Variants in PLEKHA2 observed in about 807,000 individuals in gnomAD.
PLEKHA2 encodes the protein pleckstrin homology domain-containing family A member 2.
PLEKHA2 carries 28 observed loss-of-function variants against 53.2 expected under a neutral mutation model. The ratio of observed to expected loss-of-function variants is 0.53; its 90% CI spans 0.39 to 0.72. PLEKHA2 has a LOEUF of 0.72. Among genes scored for constraint, PLEKHA2 ranks in the 30% least tolerant of loss-of-function variants. The pLI is 0.00. For missense variants in PLEKHA2, 426 were observed against 537.9 expected, an observed-to-expected ratio of 0.79 and a Z score of 2.06; for synonymous variants, 193 against 196.4, an observed-to-expected ratio of 0.98 and a Z score of 0.14.
In PLEKHA2 at chr8:38,969,810, G is replaced by T; in HGVS notation, c.*27G>T. 1 of 1,332,986 alleles carries T rather than the reference G, an allele frequency of 7.5e-7. No individual in the cohort carries two copies. Among genetic ancestry groups the T allele is most frequent in the African/African-American group, 1.5e-5 (1 of 67,560 alleles). The allele number at this position is 1,332,986 out of a possible 1,614,324, so 82.6% of individuals were successfully genotyped here. A position where few individuals can be genotyped will look rare whatever the true frequency, so the allele number is the denominator to read the frequency against. ...GGAGCACAGTGCCATGGGAGGGAGGGAGGGAGGGAGGACTTGAGAGAAGGA... is the reference window on the plus strand; with the variant it reads ...GGAGCACAGTGCCATGGGAGGGAGGTAGGGAGGGAGGACTTGAGAGAAGGA... On this transcript the variant is annotated 3_prime_UTR_variant, in exon 12 of 12. Transcript: ENST00000617275.
intron 1 of PLEKHA2, among the ~76,000 whole-genome samples, chr8:38,910,477 A>G (rs1257499660): frequency 1.3e-5 from 2 of 152,218 alleles, no homozygotes; most frequent in African/African-American, 4.8e-5. Context: ...ACAAACATTT[A>G]AAAAACATTC....
chr8:38,906,803 C>T (rs1833884064), intron 1 of PLEKHA2, among the ~76,000 whole-genome samples: 1 of 152,116 alleles, frequency 6.6e-6, no homozygotes, highest in Admixed American at 6.6e-5. Flanking sequence ...TTGTACATTG[C>T]GAAGGCTCTG....
intron 8 of PLEKHA2, among the ~76,000 whole-genome samples, 196 bp from the exon 9 acceptor site, chr8:38,953,101 A>G (rs1312516375): frequency 6.6e-6 from 1 of 152,128 alleles, no homozygotes; most frequent in Non-Finnish European, 1.5e-5. Context: ...TTGGCCTTCC[A>G]AAGTCCTGGT....
At chr8:38,948,613 G>C (rs1197865468) in intron 5 of PLEKHA2, among the ~76,000 whole-genome samples, 6 of 152,152 alleles carry the variant, frequency 3.9e-5, no homozygotes, top group African/African-American at 1.4e-4. Flanking sequence ...CTTTGTGGGG[G>C]CCCAGCATAA....
chr8:38,920,358 G>T (rs62504368), intron 2 of PLEKHA2, among the ~76,000 whole-genome samples: 6,491 of 152,020 alleles, frequency 0.043, 221 homozygotes, highest in East Asian at 0.15. Context: ...GTTTCACTGT[G>T]TTAGCCAGGA....
At chr8:38,961,668 C>T (rs998189732) in intron 10 of PLEKHA2, among the ~76,000 whole-genome samples, 1 of 152,166 alleles carries the variant, frequency 6.6e-6, no homozygotes, top group African/African-American at 2.4e-5. Flanking sequence ...CTGACCTGCT[C>T]CCCAAGGTTA....
rs1006726525 is a variant in PLEKHA2, at chr8:38,972,336, G to A, written c.*2553G>A. 6.6e-6 allele frequency: 1 copy of A among 152,134 alleles called. No homozygotes were observed. Among genetic ancestry groups the A allele is most frequent in the African/African-American group, 2.4e-5 (1 of 41,416 alleles). 9.4% of individuals were successfully genotyped at this position (152,134 alleles called of 1,614,324 possible). A position where few individuals can be genotyped will look rare whatever the true frequency, so the allele number is the denominator to read the frequency against. ...CAAGTAGCTAGGACTACAGGGTTGT[G>A]CTACCACGCCTGGCTAATTTTTAAT... On this transcript the variant is annotated 3_prime_UTR_variant, in exon 12 of 12. Coordinates refer to ENST00000617275, the MANE Select transcript of PLEKHA2 (RefSeq NM_021623.2).
In PLEKHA2 at chr8:38,940,650, C is replaced by CCGGGG. The variant is rs1457989198; in HGVS notation, c.199-3139_199-3138insCGGGG. On this transcript the variant is annotated intron_variant, in intron 3 of 11. Coordinates refer to ENST00000617275, the MANE Select transcript of PLEKHA2 (RefSeq NM_021623.2). ...TATGCCGTGGTCCAGATTGAAGGGGCGGGGGGGGGGGGTCAGAAACCCAGG... is the reference window on the plus strand; with the variant it reads ...TATGCCGTGGTCCAGATTGAAGGGGCCGGGGGGGGGGGGGGGGTCAGAAACCCAGG... Among the ~76,000 whole-genome samples, 24 of 56,938 alleles carry CCGGGG rather than the reference C, an allele frequency of 4.2e-4. 1 individual carries two copies. Among genetic ancestry groups the CCGGGG allele is most frequent in the African/African-American group, 1.9e-3 (23 of 12,246 alleles). 37.4% of individuals were successfully genotyped at this position (56,938 alleles called of 152,430 possible).
At chr8:38,909,848 T>C (rs1833930060) in intron 1 of PLEKHA2, among the ~76,000 whole-genome samples, 1 of 152,234 alleles carries the variant, frequency 6.6e-6, no homozygotes, top group African/African-American at 2.4e-5. Context: ...GTTTCACTTG[T>C]ATCATAAATA....
intron 3 of PLEKHA2, among the ~76,000 whole-genome samples, chr8:38,938,701 A>G (rs946316256): frequency 1.3e-5 from 2 of 152,196 alleles, no homozygotes; most frequent in African/African-American, 4.8e-5. Flanking sequence ...GGGTGTTCAC[A>G]GGACCCACCA....
At chr8:38,956,574 C>A (rs1304280089) in intron 9 of PLEKHA2, among the ~76,000 whole-genome samples, 2 of 152,070 alleles carry the variant, frequency 1.3e-5, no homozygotes, top group African/African-American at 2.4e-5. Context: ...CTGAGGCAGG[C>A]AGATTGCTTG....
rs144803351 is a variant in PLEKHA2, at chr8:38,972,651, T to G, written c.*2868T>G. 6.6e-6 allele frequency: 1 copy of G among 152,224 alleles called. No homozygotes were observed. Among genetic ancestry groups the G allele is most frequent in the African/African-American group, 2.4e-5 (1 of 41,450 alleles). 9.4% of individuals were successfully genotyped at this position (152,224 alleles called of 1,614,324 possible). A position where few individuals can be genotyped will look rare whatever the true frequency, so the allele number is the denominator to read the frequency against. ...ATCTTTTAATGTGAACCAAAGATGG[T>G]ACGTATTTGACCAAAGCAGTTAGTT... On this transcript the variant is annotated 3_prime_UTR_variant, in exon 12 of 12. Coordinates refer to ENST00000617275, the MANE Select transcript of PLEKHA2 (RefSeq NM_021623.2).
At chr8:38,937,948 C>T (rs1427390374) in intron 3 of PLEKHA2, among the ~76,000 whole-genome samples, 1 of 152,162 alleles carries the variant, frequency 6.6e-6, no homozygotes, top group Non-Finnish European at 1.5e-5. Flanking sequence ...CTGCTGAGGG[C>T]CAGTGATGGG....
chr8:38,963,075 A>G (rs1352776600), intron 10 of PLEKHA2, among the ~76,000 whole-genome samples: 2 of 152,228 alleles, frequency 1.3e-5, no homozygotes, highest in East Asian at 3.8e-4. Flanking sequence ...TATGGCCTCT[A>G]GAATTCATTG....
At position 38,952,716 on chromosome 8, in the gene PLEKHA2, C is replaced by A; in HGVS notation, c.702+12C>A. The A allele has an allele frequency of 1.9e-6, 3 of 1,609,704 alleles. No homozygotes were observed. The South Asian group carries it at 3.3e-5, about 18-fold the overall frequency. On this transcript the variant is annotated intron_variant, in intron 8 of 11. Transcript: ENST00000617275. ...TCAAGTGTGAGCAGGTTTGTAGTAG[C>A]TTTGCTGCCCTTCTGAGAGGTCATG...
intron 1 of PLEKHA2, among the ~76,000 whole-genome samples, chr8:38,910,303 G>T (rs1179104551): frequency 6.6e-6 from 1 of 152,136 alleles, no homozygotes; most frequent in Non-Finnish European, 1.5e-5. Context: ...CTACGTCTTG[G>T]TTTGGTTTGG....
At chr8:38,936,974 G>GC (rs565333194) in intron 3 of PLEKHA2, among the ~76,000 whole-genome samples, 1 of 152,184 alleles carries the variant, frequency 6.6e-6, no homozygotes, top group South Asian at 2.1e-4. Context: ...AGGCCTGGGG[G>GC]CCCCTGAGCC....
intron 2 of PLEKHA2, among the ~76,000 whole-genome samples, chr8:38,933,790 A>AAAAAAAAAAAAAGAAAG (rs71216697): frequency 1.1e-5 from 1 of 90,662 alleles, no homozygotes; most frequent in African/African-American, 3.8e-5. Flanking sequence ...AAAAAAAAAA[A>AAAAAAAAAAAAAGAAAG]AAAAGAAAAG....
At chr8:38,952,096 G>C in intron 6 of PLEKHA2, 70 bp from the exon 7 acceptor site, 1 of 1,537,804 alleles carries the variant, frequency 6.5e-7, no homozygotes, top group South Asian at 1.2e-5. Context: ...GATTCAGGCA[G>C]AGGGAGGTAG....
Sources: allele counts gnomAD v4.1 joint callset (sites outside exome capture counted in the v4.1 genomes callset), GRCh38; gene constraint gnomAD v4.1.1; transcripts MANE v1.5; gene names NCBI Gene and HGNC (gene_info 2026-07-23, HGNC 2026-07-21).